The following ANKRD44 variants were observed in gnomAD, a reference collection of about 807,000 sequenced individuals.
ANKRD44 encodes serine/threonine-protein phosphatase 6 regulatory ankyrin repeat subunit B.
Under a neutral mutation model 116.0 loss-of-function variants are expected in ANKRD44, and 35 were observed. That is an observed-to-expected ratio of 0.30 (90% CI 0.23 to 0.40). The LOEUF is 0.40. Among genes scored for constraint, ANKRD44 ranks in the 10% least tolerant of loss-of-function variants. The pLI, the probability that ANKRD44 is intolerant of heterozygous loss-of-function variation, is 1.00. For synonymous variants in ANKRD44, 435 were observed against 461.8 expected, an observed-to-expected ratio of 0.94 and a Z score of 0.74; for missense variants, 1,014 against 1,242.6, an observed-to-expected ratio of 0.82 and a Z score of 2.77.
intron 9 of ANKRD44, among the ~76,000 whole-genome samples, chr2:197,104,372 C>T (rs891701765): frequency 6.6e-6 from 1 of 152,152 alleles, no homozygotes; most frequent in African/African-American, 2.4e-5. Context: ...CTACTTGTCT[C>T]GGCCTCCCAA....
intron 16 of ANKRD44, among the ~76,000 whole-genome samples, chr2:197,058,720 C>G (rs976660938): frequency 3.3e-5 from 5 of 152,194 alleles, no homozygotes; most frequent in Non-Finnish European, 7.4e-5. Context: ...ATTTAAAATG[C>G]ATTTAGTCTC....
chr2:197,018,697 A>G (rs148109475), intron 17 of ANKRD44, among the ~76,000 whole-genome samples: 48 of 152,330 alleles, frequency 3.2e-4, no homozygotes, highest in African/African-American at 1.1e-3. Context: ...GTATTCTAGA[A>G]TCATGCCTGG....
intron 19 of ANKRD44, among the ~76,000 whole-genome samples, chr2:197,008,508 C>T (rs13421482): frequency 0.056 from 8,503 of 152,082 alleles, 796 homozygotes; most frequent in African/African-American, 0.19. Flanking sequence ...GGGAATATGC[C>T]AACAGAAGGA....
chr2:196,982,967 A>T (rs1466096245), downstream of ANKRD44, among the ~76,000 whole-genome samples: 11 of 152,180 alleles, frequency 7.2e-5, 1 homozygote, highest in Admixed American at 7.2e-4. Flanking sequence ...CATAAGTGGG[A>T]GTTGAACAAT....
At chr2:197,144,190 G>A (rs558179615) in intron 3 of ANKRD44, among the ~76,000 whole-genome samples, 1 of 152,320 alleles carries the variant, frequency 6.6e-6, no homozygotes, top group South Asian at 2.1e-4. Flanking sequence ...GAGGCATTCA[G>A]GGTTCTATCC....
intron 1 of ANKRD44, among the ~76,000 whole-genome samples, chr2:197,276,889 G>A (rs2083102577): frequency 6.6e-6 from 1 of 151,334 alleles, no homozygotes; most frequent in Non-Finnish European, 1.5e-5. Context: ...GCTCCAGCCT[G>A]TCTCATAAGG....
At chr2:197,082,151 T>A (rs886688357) in intron 14 of ANKRD44, among the ~76,000 whole-genome samples, 1 of 152,188 alleles carries the variant, frequency 6.6e-6, no homozygotes, top group Non-Finnish European at 1.5e-5. Flanking sequence ...TTCTTCATCA[T>A]CCAGAATTCC....
intron 1 of ANKRD44, among the ~76,000 whole-genome samples, chr2:197,305,967 T>TATATATATATA (rs2084057380): frequency 2.1e-4 from 26 of 124,732 alleles, no homozygotes; most frequent in African/African-American, 8.4e-4. Flanking sequence ...GCAGTTCGTT[T>TATATATATATA]TATATATATA....
At chr2:197,062,891 G>A (rs1486797583) in intron 16 of ANKRD44, among the ~76,000 whole-genome samples, 6 of 152,198 alleles carry the variant, frequency 3.9e-5, no homozygotes, top group African/African-American at 7.2e-5. Context: ...CACCTCTGGG[G>A]GCAGGGCAAA....
At chr2:197,183,490 C>T (rs546373696) in intron 2 of ANKRD44, among the ~76,000 whole-genome samples, 30 of 152,262 alleles carry the variant, frequency 2.0e-4, no homozygotes, top group Non-Finnish European at 3.4e-4. Flanking sequence ...TGTCCTCCAT[C>T]TGTCTATGCC....
intron 1 of ANKRD44, among the ~76,000 whole-genome samples, chr2:197,309,795 G>A (rs141484630): frequency 9.8e-4 from 150 of 152,300 alleles, no homozygotes; most frequent in African/African-American, 3.5e-3. Context: ...GAAGGTGGCT[G>A]TTACCATTCC....
chr2:197,131,498 G>A (rs763564159), intron 4 of ANKRD44, among the ~76,000 whole-genome samples: 34 of 152,198 alleles, frequency 2.2e-4, no homozygotes, highest in Non-Finnish European at 4.1e-4. Context: ...GCGATAGTAA[G>A]TACTTAATAA....
At chr2:197,267,816 G>T (rs2082781320) in intron 1 of ANKRD44, among the ~76,000 whole-genome samples, 1 of 152,194 alleles carries the variant, frequency 6.6e-6, no homozygotes, top group Admixed American at 6.5e-5. Flanking sequence ...AGCCATTCCA[G>T]AGGAGCTGGG....
intron 2 of ANKRD44, among the ~76,000 whole-genome samples, chr2:197,178,586 G>A (rs534401799): frequency 6.6e-6 from 1 of 152,044 alleles, no homozygotes; most frequent in Non-Finnish European, 1.5e-5. Context: ...AAAGAAATGG[G>A]CAAAGGACAT....
At chr2:197,018,712 C>G (rs1469703353) in intron 17 of ANKRD44, among the ~76,000 whole-genome samples, 1 of 152,172 alleles carries the variant, frequency 6.6e-6, no homozygotes, top group Admixed American at 6.5e-5. Flanking sequence ...GCCTGGCACA[C>G]AGTAGACACT....
chr2:197,250,791 T>C (rs943501753), intron 1 of ANKRD44: 2 of 152,174 alleles, frequency 1.3e-5, no homozygotes, highest in African/African-American at 4.8e-5. Flanking sequence ...ATCCAGACAG[T>C]CTGACCCCAG....
chr2:197,272,385 G>C (rs944695432), intron 1 of ANKRD44, among the ~76,000 whole-genome samples: 1 of 152,064 alleles, frequency 6.6e-6, no homozygotes. Flanking sequence ...CTACAGGCAC[G>C]TGCCACCACG....
intron 21 of ANKRD44, among the ~76,000 whole-genome samples, chr2:196,968,618 A>G (rs2125856983): frequency 6.6e-6 from 1 of 152,300 alleles, no homozygotes; most frequent in African/African-American, 2.4e-5. Flanking sequence ...TAGAAGACAC[A>G]TTCTGAAGAA....
At chr2:197,029,409 C>G (rs1388206199) in intron 16 of ANKRD44, 1 of 300,188 alleles carries the variant, frequency 3.3e-6, no homozygotes, top group Non-Finnish European at 6.4e-6. Context: ...CTCTTTGGAG[C>G]TCTAGGCTTT....
Sources: gnomAD v4.1 joint callset for allele counts (sites outside exome capture counted in the v4.1 genomes callset) on GRCh38, gnomAD v4.1.1 for gene constraint, MANE v1.5 for transcripts, NCBI Gene and HGNC (gene_info 2026-07-23, HGNC 2026-07-21) for gene names.